VPS13C: variants seen among roughly 807,000 people sequenced by gnomAD.
The protein encoded by VPS13C is intermembrane lipid transfer protein VPS13C.
VPS13C carries 358 observed loss-of-function variants against 456.8 expected under a neutral mutation model. The ratio of observed to expected loss-of-function variants is 0.78; its 90% confidence interval spans 0.72 to 0.86. VPS13C has a LOEUF of 0.86. Ranked by LOEUF, VPS13C falls within the 40% of genes least tolerant of loss-of-function variation. The probability of loss-of-function intolerance (pLI) is 0.00; values close to 1 mark genes in which losing one functional copy is unlikely to be tolerated. For missense variants in VPS13C, 4,818 were observed against 4,385.4 expected (o/e 1.10, Z -2.79); for synonymous variants, 1,578 against 1,486.7 (o/e 1.06, Z -1.41).
At chr15:61,855,571 T>C (rs1370415839) in intron 83 of VPS13C, among the ~76,000 whole-genome samples, 1 of 152,146 alleles carries the variant, frequency 6.6e-6, no homozygotes, top group Admixed American at 6.5e-5. Flanking sequence ...TACTCACATC[T>C]ATAGCTATTA....
chr15:62,023,092 G>C (rs1485821618), intron 8 of VPS13C, among the ~76,000 whole-genome samples: 1 of 151,792 alleles, frequency 6.6e-6, no homozygotes, highest in African/African-American at 2.4e-5. Flanking sequence ...TCTTTTGTCA[G>C]CATAAAGCAA....
intron 5 of VPS13C, 64 bp from the exon 6 acceptor site, chr15:62,028,484 A>G: frequency 6.9e-7 from 1 of 1,453,140 alleles, no homozygotes; most frequent in South Asian, 1.2e-5. Context: ...TTAATTTCAC[A>G]TGTAAAATAT....
chr15:61,985,911 T>C (rs2046036410), intron 18 of VPS13C, among the ~76,000 whole-genome samples: 1 of 151,936 alleles, frequency 6.6e-6, no homozygotes, highest in Non-Finnish European at 1.5e-5. Flanking sequence ...GGAAATCAGT[T>C]CCCACCAAAG....
chr15:61,874,845 A>C, intron 77 of VPS13C, 31 bp downstream of exon 77: 7 of 1,514,780 alleles, frequency 4.6e-6, no homozygotes, highest in Non-Finnish European at 6.2e-6. Context: ...AATAAAAAAT[A>C]TACACATATA....
intron 1 of VPS13C, among the ~76,000 whole-genome samples, chr15:62,059,582 T>C (rs2048919354): frequency 6.6e-6 from 1 of 152,224 alleles, no homozygotes; most frequent in Admixed American, 6.5e-5. Flanking sequence ...GACACCTAAT[T>C]AATGACGATG....
At chr15:62,024,199 G>A (rs1245891713) in intron 6 of VPS13C, among the ~76,000 whole-genome samples, 1 of 151,926 alleles carries the variant, frequency 6.6e-6, no homozygotes, top group African/African-American at 2.4e-5. Flanking sequence ...ATGTAACAAT[G>A]ACAGAATATA....
At position 61,951,949 on chromosome 15, in the gene VPS13C, T is replaced by C. The variant is rs754824730; in HGVS notation, c.4331A>G (p.Lys1444Arg). The C allele has an allele frequency of 1.2e-6, 2 of 1,612,982 alleles. No individual in the cohort carries two copies. Among genetic ancestry groups the C allele is most frequent in the Non-Finnish European group, 1.7e-6 (2 of 1,179,690 alleles). Residue 1444 changes from lysine (K) to arginine (R), a missense_variant, in exon 39 of 85, where the codon AAG becomes AGG. Physicochemically the swap from Lys to Arg is conservative, Grantham distance 26 (BLOSUM62 2). This residue lies in a region of VPS13C where 4,552 missense variants were observed against 4,130.6 expected (regional missense o/e 1.10). Coordinates refer to ENST00000644861, the MANE Select transcript of VPS13C (RefSeq NM_020821.3). ...VVVTLMKKSEKKGRPLHELNV... is the reference protein window; with the variant it reads ...VVVTLMKKSERKGRPLHELNV... ...TAGCTCATGTAAAGGCCTTCCTTTC[T>C]TTTCTGATTTTTTCATCAAAGTAAC...
intron 16 of VPS13C, among the ~76,000 whole-genome samples, chr15:61,994,445 G>C (rs2140431881): frequency 6.6e-6 from 1 of 152,146 alleles, no homozygotes; most frequent in South Asian, 2.1e-4. Flanking sequence ...TTGTACCTTG[G>C]GGAATTTGCC....
At chr15:62,007,621 T>A in intron 14 of VPS13C, 142 bp from the exon 15 acceptor site, 1 of 637,460 alleles carries the variant, frequency 1.6e-6, no homozygotes, top group Non-Finnish European at 2.4e-6. Context: ...CAATTCCCAG[T>A]AAAATTGTCT....
At chr15:62,013,187 T>G (rs1244862734) in intron 10 of VPS13C, 68 bp from the exon 11 acceptor site, 2 of 1,202,098 alleles carry the variant, frequency 1.7e-6, no homozygotes, top group Non-Finnish European at 1.2e-6. Context: ...ATTAAAAGAT[T>G]ATTCTCATGT....
intron 16 of VPS13C, among the ~76,000 whole-genome samples, chr15:61,995,102 C>CT (rs1408396733): frequency 3.3e-5 from 5 of 152,232 alleles, no homozygotes; most frequent in Non-Finnish European, 7.3e-5. Context: ...CATGCTCTCT[C>CT]ATTCCTATCA....
chr15:61,994,571 A>G (rs951212238), intron 16 of VPS13C, among the ~76,000 whole-genome samples: 13 of 152,076 alleles, frequency 8.5e-5, no homozygotes, highest in Non-Finnish European at 1.5e-4. Flanking sequence ...GTATATGCAC[A>G]GAATGGAATA....
intron 18 of VPS13C, among the ~76,000 whole-genome samples, chr15:61,986,592 ATTT>A (rs1450732486): frequency 6.6e-6 from 1 of 152,066 alleles, no homozygotes; most frequent in East Asian, 1.9e-4. Flanking sequence ...GGAAGTGAGG[ATTT>A]TTTTCCCAAA....
intron 34 of VPS13C, 42 bp from the exon 35 acceptor site, chr15:61,961,935 C>G (rs762779380): frequency 1.3e-6 from 2 of 1,548,488 alleles, no homozygotes; most frequent in South Asian, 2.5e-5. Flanking sequence ...AAAGAGAATA[C>G]AGGCACATCA....
chr15:61,948,711 T>C (rs907478546), intron 42 of VPS13C, among the ~76,000 whole-genome samples: 1 of 151,886 alleles, frequency 6.6e-6, no homozygotes, highest in Non-Finnish European at 1.5e-5. Context: ...ATCAGATCCT[T>C]GTACCTGATC....
rs994233032 is a variant in VPS13C at position 61,867,601 on chromosome 15, A to C, written c.10863+1058T>G. The C allele has an allele frequency of 1.3e-5, 14 of 1,063,406 alleles. No individual in the cohort carries two copies. Among genetic ancestry groups the C allele is most frequent in the Admixed American group, 1.1e-4 (2 of 18,360 alleles). The allele number at this position is 1,063,406 out of a possible 1,614,324, so 65.9% of individuals were successfully genotyped here. On this transcript the variant is annotated intron_variant, in intron 81 of 84. Transcript: ENST00000644861. This position sits in a 1 kb window ranked among gnomAD's most constrained non-coding sequence, Gnocchi z 5.0. ...AATTTTACCTGAAATGCACATGAAC[A>C]CCATAAGATAAAATTTTCGAAATGA...
intron 53 of VPS13C, among the ~76,000 whole-genome samples, chr15:61,924,967 A>G (rs1487669849): frequency 6.6e-6 from 1 of 152,208 alleles, no homozygotes; most frequent in African/African-American, 2.4e-5. Context: ...AATGCTTTAA[A>G]TGTAGTGAAT....
chr15:61,974,114 T>A (rs2045634658), intron 25 of VPS13C, among the ~76,000 whole-genome samples, 174 bp downstream of exon 25: 1 of 152,144 alleles, frequency 6.6e-6, no homozygotes, highest in Non-Finnish European at 1.5e-5. Flanking sequence ...AAGGTTTTTG[T>A]TAGTTTTTTT....
chr15:62,016,483 C>T lies in VPS13C; in HGVS notation c.685-2491G>A, dbSNP rs1342768530. 7.1e-5 allele frequency among the ~76,000 whole-genome samples: 10 copies of T among 140,770 alleles called. No homozygotes were observed. The Admixed American group carries it at 7.8e-4, about 11-fold the overall frequency. The allele number at this position is 140,770 out of a possible 152,430, so 92.4% of individuals were successfully genotyped here. A position where few individuals can be genotyped will look rare whatever the true frequency, so the allele number is the denominator to read the frequency against. Reference sequence around the variant, plus strand: ...TCCCCTTCCTGTGTCCAAGTGTTCTCATTGTTCAATTCCCACCTATGAGTG... The same window carrying T: ...TCCCCTTCCTGTGTCCAAGTGTTCTTATTGTTCAATTCCCACCTATGAGTG... On this transcript the variant is annotated intron_variant, in intron 9 of 84. Transcript: ENST00000644861.
Sources: gnomAD v4.1 joint callset for allele counts (sites outside exome capture counted in the v4.1 genomes callset) on GRCh38, gnomAD v4.1.1 for gene constraint, gnomAD v4.1.1 regional missense constraint, Gnocchi (gnomAD v3.1) non-coding constraint, MANE v1.5 for transcripts, NCBI Gene and HGNC (gene_info 2026-07-23, HGNC 2026-07-21) for gene names.